Variants in COL19A1 observed in about 807,000 individuals in gnomAD.
COL19A1 encodes collagen type XIX alpha 1 chain, also known as collagen alpha-1(XIX) chain.
A neutral mutation model predicts 190.2 loss-of-function variants in COL19A1; 159 were observed. The ratio of observed to expected loss-of-function variants is 0.84; its 90% CI spans 0.73 to 0.95. The LOEUF is 0.95. COL19A1 is among the 40% of genes least tolerant of loss of function. The pLI, the probability that COL19A1 is intolerant of heterozygous loss-of-function variation, is 0.00. For synonymous variants in COL19A1, 509 were observed against 458.9 expected (o/e 1.11, Z -1.39); for missense variants, 1,418 against 1,431.9 (o/e 0.99, Z 0.16).
intron 16 of COL19A1, among the ~76,000 whole-genome samples, chr6:70,106,112 C>T (rs1275782791): frequency 1.3e-5 from 2 of 151,942 alleles, no homozygotes; most frequent in African/African-American, 2.4e-5. Context: ...TGTTGTTATT[C>T]GGGGGAGTGT....
chr6:69,939,099 A>G (rs1047193572), intron 9 of COL19A1, among the ~76,000 whole-genome samples: 4 of 152,136 alleles, frequency 2.6e-5, no homozygotes, highest in African/African-American at 2.4e-5. Flanking sequence ...ATGTATTCCC[A>G]TGTACCTTGC....
intron 15 of COL19A1, among the ~76,000 whole-genome samples, chr6:70,087,090 A>G (rs1468801374): frequency 1.3e-5 from 2 of 152,196 alleles, no homozygotes; most frequent in Non-Finnish European, 2.9e-5. Context: ...AGTAGTTGTG[A>G]CAAAGACTAT....
chr6:69,923,808 A>G (rs1772166446), intron 4 of COL19A1, among the ~76,000 whole-genome samples: 1 of 152,198 alleles, frequency 6.6e-6, no homozygotes, highest in Non-Finnish European at 1.5e-5. Flanking sequence ...AAGGTGATTT[A>G]TAAACTACCA....
At chr6:70,035,876 A>AT in intron 13 of COL19A1, 28 bp from the exon 14 acceptor site, 1 of 1,603,610 alleles carries the variant, frequency 6.2e-7, no homozygotes, top group Non-Finnish European at 8.5e-7. Context: ...ACTAGTGGTA[A>AT]TTGTAGCTTT....
chr6:70,028,165 G>C (rs913132882), intron 12 of COL19A1, among the ~76,000 whole-genome samples: 2 of 152,088 alleles, frequency 1.3e-5, no homozygotes, highest in Admixed American at 1.3e-4. Flanking sequence ...ATATATTAAC[G>C]TGCATACAGT....
At chr6:70,050,887 A>G (rs1386974988) in intron 14 of COL19A1, among the ~76,000 whole-genome samples, 3 of 152,170 alleles carry the variant, frequency 2.0e-5, no homozygotes, top group Non-Finnish European at 4.4e-5. Context: ...AGCTTTATAT[A>G]GCTTAATCCA....
chr6:70,052,765 C>T (rs1372992825), intron 14 of COL19A1, among the ~76,000 whole-genome samples: 1 of 152,112 alleles, frequency 6.6e-6, no homozygotes. Context: ...TCAAATATAT[C>T]TTATTTTCTA....
chr6:70,168,219 A>C lies in COL19A1; in HGVS notation c.2541+4A>C. On this transcript the variant is annotated splice_donor_region_variant and intron_variant, in intron 39 of 50. Transcript: ENST00000620364. ...CCCAGGGCCACCCGGTCCTCCTGTA[A>C]GTACAGTTGTTTATCATCAAACACA... 1 of 1,612,882 alleles carries C rather than the reference A, an allele frequency of 6.2e-7. No individual in the cohort carries two copies. The highest frequency in any genetic ancestry group is 8.5e-7 in the Non-Finnish European group (1 of 1,179,348).
intron 1 of COL19A1, among the ~76,000 whole-genome samples, chr6:69,876,732 G>A (rs543355244): frequency 8.9e-4 from 135 of 152,126 alleles, no homozygotes; most frequent in African/African-American, 3.1e-3. Context: ...TATAACCATG[G>A]ATTTCTCTAA....
intron 11 of COL19A1, among the ~76,000 whole-genome samples, chr6:70,004,039 TTTC>T (rs1777454895): frequency 6.6e-6 from 1 of 152,196 alleles, no homozygotes; most frequent in African/African-American, 2.4e-5. Context: ...TCAATGCTTC[TTTC>T]AGGAGCTCTT....
intron 49 of COL19A1, among the ~76,000 whole-genome samples, chr6:70,201,749 A>T (rs1767568028): frequency 6.6e-6 from 1 of 152,228 alleles, no homozygotes; most frequent in South Asian, 2.1e-4. Flanking sequence ...TTTAAGGAAT[A>T]TGTGTTTCTT....
At chr6:70,102,863 C>A (rs549722523) in intron 16 of COL19A1, among the ~76,000 whole-genome samples, 7 of 152,294 alleles carry the variant, frequency 4.6e-5, no homozygotes, top group Admixed American at 4.6e-4. Context: ...TCCCTGAGCA[C>A]TTTTCAGGCT....
At chr6:70,200,104 T>C (rs1015430626) in intron 49 of COL19A1, among the ~76,000 whole-genome samples, 3 of 152,204 alleles carry the variant, frequency 2.0e-5, no homozygotes, top group Non-Finnish European at 4.4e-5. Context: ...TAAGCAAGTC[T>C]CCATCATCTG....
rs574524825 is a variant in COL19A1, at chr6:70,053,721, A to G, written c.1171-14702A>G. 5.3e-5 allele frequency among the ~76,000 whole-genome samples: 8 copies of G among 152,292 alleles called. No individual in the cohort carries two copies. The South Asian group carries it at 1.7e-3, about 32-fold the overall frequency. The stretch of plus-strand genomic sequence containing the variant: ...TGTATTTAGATATCATATTTCTAAC[A>G]TTTTTAACGTTCAGTCTTTTTTGTC... On this transcript the variant is annotated intron_variant, in intron 14 of 50. Transcript: ENST00000620364.
At chr6:69,944,283 T>A (rs73746821) in intron 9 of COL19A1, among the ~76,000 whole-genome samples, 2,273 of 152,248 alleles carry the variant, frequency 0.015, 70 homozygotes, top group African/African-American at 0.051. Context: ...TCATCACGCA[T>A]CTATTTCTTT....
At chr6:70,083,738 A>C (rs1008700015) in intron 15 of COL19A1, among the ~76,000 whole-genome samples, 1 of 152,214 alleles carries the variant, frequency 6.6e-6, no homozygotes, top group African/African-American at 2.4e-5. Flanking sequence ...ATATACAATG[A>C]ATTCTCAGCT....
At chr6:69,882,393 T>C (rs775462080) in intron 2 of COL19A1, among the ~76,000 whole-genome samples, 1 of 152,232 alleles carries the variant, frequency 6.6e-6, no homozygotes, top group Non-Finnish European at 1.5e-5. Flanking sequence ...TCAGCTCAGT[T>C]ACTTGTCAAA....
intron 34 of COL19A1, among the ~76,000 whole-genome samples, chr6:70,158,615 T>A (rs1475085739): frequency 6.6e-6 from 1 of 152,106 alleles, no homozygotes; most frequent in African/African-American, 2.4e-5. Context: ...ATGCTAACCT[T>A]TGATGGAGTG....
intron 9 of COL19A1, among the ~76,000 whole-genome samples, chr6:69,958,616 T>G (rs1177828865): frequency 6.6e-6 from 1 of 152,212 alleles, no homozygotes; most frequent in Admixed American, 6.5e-5. Context: ...TTTAATTACA[T>G]TTAGCAGCAA....
Sources: gnomAD v4.1 joint callset for allele counts (sites outside exome capture counted in the v4.1 genomes callset) on GRCh38, gnomAD v4.1.1 for gene constraint, MANE v1.5 for transcripts, NCBI Gene and HGNC (gene_info 2026-07-23, HGNC 2026-07-21) for gene names.